LOC400499: variants seen among roughly 807,000 people sequenced by gnomAD.
At chr16:11,405,102 G>A in the LOC400499 span, among the ~76,000 whole-genome samples, 1 of 152,202 alleles carries the variant, frequency 6.6e-6, no homozygotes. Flanking sequence ...GCACAGAACA[G>A]CCACTTCTCA....
At chr16:11,395,178 A>G in the LOC400499 span, among the ~76,000 whole-genome samples, 1 of 152,146 alleles carries the variant, frequency 6.6e-6, no homozygotes, top group Non-Finnish European at 1.5e-5. Context: ...GTCACTGAAG[A>G]GCAAGGGCCA....
chr16:11,450,871 T>A, the LOC400499 span: 1 of 1,486,882 alleles, frequency 6.7e-7, no homozygotes, highest in Non-Finnish European at 9.0e-7. Context: ...AGAGGAAGCT[T>A]CTAGCAGGCA....
the LOC400499 span, among the ~76,000 whole-genome samples, chr16:11,481,830 T>C: frequency 6.6e-6 from 1 of 152,012 alleles, no homozygotes; most frequent in African/African-American, 2.4e-5. Flanking sequence ...AGACAGGGTA[T>C]CACTATGTTG....
At chr16:11,476,459 G>A in the LOC400499 span, among the ~76,000 whole-genome samples, 1 of 151,880 alleles carries the variant, frequency 6.6e-6, no homozygotes, top group Non-Finnish European at 1.5e-5. Flanking sequence ...ACACATGCTC[G>A]TGGACACACA....
the LOC400499 span, among the ~76,000 whole-genome samples, chr16:11,436,680 C>G: frequency 6.6e-6 from 1 of 152,050 alleles, no homozygotes; most frequent in Non-Finnish European, 1.5e-5. Context: ...CTCTGTCTCC[C>G]AGGTTCAAGC....
chr16:11,455,847 T>C, the LOC400499 span, among the ~76,000 whole-genome samples: 1 of 151,944 alleles, frequency 6.6e-6, no homozygotes, highest in East Asian at 1.9e-4. Context: ...ATCTTTTAGA[T>C]TAAACTTTAT....
At chr16:11,477,481 G>C in the LOC400499 span, among the ~76,000 whole-genome samples, 1 of 152,216 alleles carries the variant, frequency 6.6e-6, no homozygotes, top group Non-Finnish European at 1.5e-5. Flanking sequence ...GAAGCACCAG[G>C]CTTGGTTGGT....
chr16:11,418,754 A>G, the LOC400499 span, among the ~76,000 whole-genome samples: 1 of 152,244 alleles, frequency 6.6e-6, no homozygotes, highest in African/African-American at 2.4e-5. Context: ...ATTGTGGCAG[A>G]GACTGCAGGG....
At chr16:11,495,022 A>C in the LOC400499 span, among the ~76,000 whole-genome samples, 4 of 152,204 alleles carry the variant, frequency 2.6e-5, no homozygotes, top group Admixed American at 2.6e-4. Context: ...CAGCCTGGCC[A>C]ACATGGCAAA....
chr16:11,389,043 C>T, the LOC400499 span, among the ~76,000 whole-genome samples: 1 of 152,176 alleles, frequency 6.6e-6, no homozygotes, highest in Non-Finnish European at 1.5e-5. Context: ...GCTGAGATCA[C>T]AGCATTGTAC....
At chr16:11,418,376 T>C in the LOC400499 span, among the ~76,000 whole-genome samples, 1 of 152,168 alleles carries the variant, frequency 6.6e-6, no homozygotes, top group African/African-American at 2.4e-5. Flanking sequence ...CATAAAGACC[T>C]TGCTGATAAA....
the LOC400499 span, among the ~76,000 whole-genome samples, chr16:11,526,511 A>G: frequency 3.5e-4 from 54 of 152,382 alleles, no homozygotes; most frequent in Middle Eastern, 3.4e-3. Flanking sequence ...ATTTGCAATG[A>G]AAACTTAGCA....
At chr16:11,473,737 G>A in the LOC400499 span, among the ~76,000 whole-genome samples, 5 of 147,344 alleles carry the variant, frequency 3.4e-5, no homozygotes, top group Non-Finnish European at 7.4e-5. Context: ...CCTGGGCAAC[G>A]AGAGTGAAAC....
At chr16:11,457,882 G>A in the LOC400499 span, among the ~76,000 whole-genome samples, 1 of 152,108 alleles carries the variant, frequency 6.6e-6, no homozygotes, top group Non-Finnish European at 1.5e-5. Context: ...GAACCTTGAG[G>A]ACATGCTAAG....
chr16:11,438,823 GGTGGCTCATGCCT>G, the LOC400499 span, among the ~76,000 whole-genome samples: 1 of 150,236 alleles, frequency 6.7e-6, no homozygotes, highest in Non-Finnish European at 1.5e-5. Context: ...GGCTAGGTGC[GGTGGCTCATGCCT>G]GTAATCTTAG....
the LOC400499 span, chr16:11,493,738 G>C: frequency 2.5e-6 from 1 of 395,920 alleles, no homozygotes; most frequent in Middle Eastern, 6.3e-4. Flanking sequence ...ACTCAACGTA[G>C]GGGTGAGAGC....
chr16:11,421,999 A>G, the LOC400499 span, among the ~76,000 whole-genome samples: 2 of 152,142 alleles, frequency 1.3e-5, no homozygotes, highest in African/African-American at 2.4e-5. Context: ...CGTGGCAAAC[A>G]CTCTGTAGTT....
chr16:11,466,732 G>C, the LOC400499 span, among the ~76,000 whole-genome samples: 1 of 152,060 alleles, frequency 6.6e-6, no homozygotes, highest in Non-Finnish European at 1.5e-5. Context: ...GCTACCATAT[G>C]GGAGAGTCAG....
the LOC400499 span, chr16:11,484,832 G>C: frequency 7.6e-6 from 3 of 396,106 alleles, no homozygotes; most frequent in East Asian, 3.6e-5. Flanking sequence ...CATGAAGCGG[G>C]GTGGGCCTGC....
Sources: gnomAD v4.1 joint callset for allele counts (sites outside exome capture counted in the v4.1 genomes callset) on GRCh38, gnomAD v4.1.1 for gene constraint, MANE v1.5 for transcripts.